PRSS23: variants seen among roughly 807,000 people sequenced by gnomAD.
PRSS23 encodes the protein serine protease 23, also known as protease, serine 23.
A neutral mutation model predicts 34.7 loss-of-function variants in PRSS23; 25 were observed. The observed-to-expected ratio is 0.72, with a 90% CI of 0.53 to 1.01. The LOEUF is 1.01. Among genes scored for constraint, PRSS23 ranks in the 50% least tolerant of loss-of-function variants. The pLI is 0.00. For missense variants in PRSS23, 445 were observed against 475.6 expected, an observed-to-expected ratio of 0.94 and a Z score of 0.60; for synonymous variants, 176 against 186.6, an observed-to-expected ratio of 0.94 and a Z score of 0.46.
In PRSS23 at chr11:86,950,839, G is replaced by C. The variant is rs1949284136; in HGVS notation, c.207-377G>C. 5 of 452,948 alleles carry C rather than the reference G, an allele frequency of 1.1e-5. No homozygotes were observed. The South Asian group carries it at 1.1e-4, about 10-fold the overall frequency. 28.1% of individuals were successfully genotyped at this position (452,948 alleles called of 1,614,324 possible). A position where few individuals can be genotyped will look rare whatever the true frequency, so the allele number is the denominator to read the frequency against. On this transcript the variant is annotated intron_variant, in intron 2 of 2. Transcript: ENST00000533902. ...AAACAGTATCGCCCTGGACTTCCTG[G>C]AATCTAGGCAGGACCTCCACGCTCC...
At chr11:86,795,363 T>C (rs927579539) in intron 1 of PRSS23, among the ~76,000 whole-genome samples, 1 of 152,200 alleles carries the variant, frequency 6.6e-6, no homozygotes, top group Non-Finnish European at 1.5e-5. Context: ...ATTGTGCAGA[T>C]GAGAAAAGTG....
At position 86,879,839 on chromosome 11, in the gene PRSS23, G is replaced by A. The variant is rs1175098024; in HGVS notation, c.206+56246G>A. 2.8e-4 allele frequency among the ~76,000 whole-genome samples: 30 copies of A among 105,712 alleles called. 1 individual carries two copies. The highest frequency in any genetic ancestry group is 9.8e-4 in the African/African-American group (26 of 26,660). The allele number at this position is 105,712 out of a possible 152,430, so 69.4% of individuals were successfully genotyped here. On this transcript the variant is annotated intron_variant, in intron 2 of 2. Transcript: ENST00000533902. ...GGGAGGTGGGGGGGGTCAGCCCCCCGCCCGGCCAGCCGCCCCGTCCGGGAG... is the reference window on the plus strand; with the variant it reads ...GGGAGGTGGGGGGGGTCAGCCCCCCACCCGGCCAGCCGCCCCGTCCGGGAG...
intron 2 of PRSS23, among the ~76,000 whole-genome samples, chr11:86,902,625 G>A (rs1202094348): frequency 6.6e-6 from 1 of 152,126 alleles, no homozygotes; most frequent in East Asian, 1.9e-4. Flanking sequence ...GGATAACTGA[G>A]GAGAAAAGAT....
intron 2 of PRSS23, among the ~76,000 whole-genome samples, chr11:86,887,306 T>C (rs1948808778): frequency 6.6e-6 from 1 of 151,544 alleles, no homozygotes; most frequent in African/African-American, 2.4e-5. Flanking sequence ...CAGCTTGGGA[T>C]GGTAGAGAAT....
chr11:86,908,089 T>A (rs1948955507), intron 2 of PRSS23, among the ~76,000 whole-genome samples: 1 of 152,242 alleles, frequency 6.6e-6, no homozygotes, highest in Admixed American at 6.5e-5. Context: ...TCCCATTGTA[T>A]GTATATGACA....
At chr11:86,821,494 T>C in intron 1 of PRSS23, 1 of 1,610,952 alleles carries the variant, frequency 6.2e-7, no homozygotes, top group Non-Finnish European at 8.5e-7. Flanking sequence ...CTTTATGAGC[T>C]GCACAAAGAA....
intron 1 of PRSS23, among the ~76,000 whole-genome samples, chr11:86,822,125 T>C (rs575111673): frequency 1.3e-5 from 2 of 152,288 alleles, no homozygotes; most frequent in African/African-American, 4.8e-5. Context: ...CATTTATTTA[T>C]TCGTTCATTT....
intron 2 of PRSS23, among the ~76,000 whole-genome samples, chr11:86,885,685 T>C (rs1016939102): frequency 1.3e-5 from 2 of 152,228 alleles, no homozygotes; most frequent in African/African-American, 4.8e-5. Context: ...ATCCCGCAGA[T>C]TTTTGACTTG....
chr11:86,823,419 G>C (rs1401423084), exon 2 of PRSS23: 1 of 702,284 alleles, frequency 1.4e-6, no homozygotes, highest in Non-Finnish European at 2.6e-6. Context: ...TGCCAACCCT[G>C]GCCTAGTCCT....
chr11:86,834,117 T>A (rs1948383388), intron 2 of PRSS23, among the ~76,000 whole-genome samples: 1 of 152,224 alleles, frequency 6.6e-6, no homozygotes, highest in African/African-American at 2.4e-5. Flanking sequence ...ATGTATGGCC[T>A]GCAGTGCAGG....
At chr11:86,908,637 A>G (rs1177850277) in intron 2 of PRSS23, among the ~76,000 whole-genome samples, 1 of 152,220 alleles carries the variant, frequency 6.6e-6, no homozygotes, top group East Asian at 1.9e-4. Context: ...GTAATTACAG[A>G]AACTTTGCGG....
chr11:86,947,524 C>G (rs992806172), intron 2 of PRSS23: 3 of 152,160 alleles, frequency 2.0e-5, no homozygotes, highest in African/African-American at 7.2e-5. Context: ...ACAAGCTTCC[C>G]GGAACCTGAG....
intron 2 of PRSS23, among the ~76,000 whole-genome samples, chr11:86,825,392 A>G (rs1291074103): frequency 2.0e-5 from 3 of 152,132 alleles, no homozygotes; most frequent in African/African-American, 7.2e-5. Flanking sequence ...CCTTTGTCAG[A>G]TGAGTAGGTT....
At chr11:86,898,079 TTTC>T (rs2134980594) in intron 2 of PRSS23, among the ~76,000 whole-genome samples, 1 of 152,390 alleles carries the variant, frequency 6.6e-6, no homozygotes, top group Non-Finnish European at 1.5e-5. Flanking sequence ...AATCTCTGAT[TTTC>T]TTATTAGAAA....
At position 86,821,579 on chromosome 11, in the gene PRSS23, C is replaced by G. The variant is rs1948838005; in HGVS notation, c.-11-1798C>G. The G allele has an allele frequency of 1.9e-6, 3 of 1,609,322 alleles. No homozygotes were observed. In the African/African-American group the frequency reaches 4.0e-5, roughly 21 times the overall value. On this transcript the variant is annotated intron_variant, in intron 1 of 2. Transcript: ENST00000533902. ...TTCACTCTGAAGTTTGACAACAAGT[C>G]CGTTTAGCTCAAGACAGAATTCCCT...
At chr11:86,833,107 C>T (rs959144525) in intron 2 of PRSS23, 2 of 631,870 alleles carry the variant, frequency 3.2e-6, no homozygotes, top group Non-Finnish European at 5.9e-6. Flanking sequence ...TAGGCCCTCA[C>T]ACTCAGGAGC....
In PRSS23 at chr11:86,862,570, G is replaced by A. The variant is rs527321219; in HGVS notation, c.206+38977G>A. ...CGTGATATTATTCCCAATATCCAAGGAGAATGCTACTCCTAATGTCACAGG... is the reference window on the plus strand; with the variant it reads ...CGTGATATTATTCCCAATATCCAAGAAGAATGCTACTCCTAATGTCACAGG... On this transcript the variant is annotated intron_variant, in intron 2 of 2. Coordinates refer to the PRSS23 transcript ENST00000533902. 4.0e-5 allele frequency among the ~76,000 whole-genome samples: 6 copies of A among 151,794 alleles called. No individual in the cohort carries two copies. In the East Asian group the frequency reaches 9.8e-4, roughly 25 times the overall value.
chr11:86,867,837 A>T (rs929304840), intron 2 of PRSS23, among the ~76,000 whole-genome samples: 1 of 148,444 alleles, frequency 6.7e-6, no homozygotes, highest in Non-Finnish European at 1.5e-5. Flanking sequence ...AGGTTGTGCC[A>T]CTGCACTCCA....
rs992502472 is a variant in PRSS23 at position 86,864,298 on chromosome 11, C to T, written c.206+40705C>T. 4.6e-5 allele frequency among the ~76,000 whole-genome samples: 7 copies of T among 152,182 alleles called. No individual in the cohort carries two copies. In the East Asian group the frequency reaches 1.2e-3, roughly 25 times the overall value. On this transcript the variant is annotated intron_variant, in intron 2 of 2. Transcript: ENST00000533902. Reference sequence around the variant, plus strand: ...CAAAGGCAGAAAGGCAGGGGGTAGTCGAGGCAGTGCTGGAAATCAGACAGC... The same window carrying T: ...CAAAGGCAGAAAGGCAGGGGGTAGTTGAGGCAGTGCTGGAAATCAGACAGC...
Sources: gnomAD v4.1 joint callset for allele counts (sites outside exome capture counted in the v4.1 genomes callset) on GRCh38, gnomAD v4.1.1 for gene constraint, MANE v1.5 for transcripts, NCBI Gene and HGNC (gene_info 2026-07-23, HGNC 2026-07-21) for gene names.